The following RANBP2 variants were observed in gnomAD, a reference collection of about 807,000 sequenced individuals.
RANBP2 encodes E3 SUMO-protein ligase RanBP2.
A neutral mutation model predicts 303.6 loss-of-function variants in RANBP2; 57 were observed. The ratio of observed to expected loss-of-function variants is 0.19; its 90% CI spans 0.15 to 0.23. RANBP2 has a LOEUF of 0.23. RANBP2 is among the 10% of genes least tolerant of loss of function. The pLI, the probability that RANBP2 is intolerant of heterozygous loss-of-function variation, is 1.00. For synonymous variants in RANBP2, 1,167 were observed against 1,301.5 expected, an observed-to-expected ratio of 0.90 and a Z score of 2.23; for missense variants, 3,138 against 3,780.8, an observed-to-expected ratio of 0.83 and a Z score of 4.46.
At chr2:109,008,089 C>G in the RANBP2 span, among the ~76,000 whole-genome samples, 2 of 152,138 alleles carry the variant, frequency 1.3e-5, no homozygotes, top group Non-Finnish European at 2.9e-5. Context: ...CGGAACTGGC[C>G]CCACACTGAC....
At chr2:108,860,957 T>TTTTTTTTG in the RANBP2 span, among the ~76,000 whole-genome samples, 1 of 146,778 alleles carries the variant, frequency 6.8e-6, no homozygotes, top group Non-Finnish European at 1.5e-5. Flanking sequence ...TTTTTTTTTT[T>TTTTTTTTG]TGGTTGGTAA....
the RANBP2 span, among the ~76,000 whole-genome samples, chr2:109,607,404 T>A: frequency 6.6e-6 from 1 of 152,180 alleles, no homozygotes; most frequent in African/African-American, 2.4e-5. Context: ...TGGCTAACCA[T>A]GGATCATGCA....
the RANBP2 span, among the ~76,000 whole-genome samples, chr2:108,928,213 C>G: frequency 6.6e-6 from 1 of 152,192 alleles, no homozygotes; most frequent in Non-Finnish European, 1.5e-5. Context: ...CACTGCCCAG[C>G]TGCTCAGCCC....
chr2:109,620,682 T>C, the RANBP2 span, among the ~76,000 whole-genome samples: 1 of 151,950 alleles, frequency 6.6e-6, no homozygotes, highest in African/African-American at 2.4e-5. Flanking sequence ...AGCCTGGGCA[T>C]CACAGCGACT....
chr2:109,129,116 C>T, the RANBP2 span: 1 of 354,732 alleles, frequency 2.8e-6, no homozygotes. Flanking sequence ...GGAGCGTGCA[C>T]GCCGCGCCCC....
the RANBP2 span, among the ~76,000 whole-genome samples, chr2:109,644,180 G>T: frequency 6.6e-6 from 1 of 150,538 alleles, no homozygotes; most frequent in Non-Finnish European, 1.5e-5. Context: ...GGTGGTGCAC[G>T]CCTGTAGTCC....
chr2:108,829,892 G>A, the RANBP2 span, among the ~76,000 whole-genome samples: 1 of 152,128 alleles, frequency 6.6e-6, no homozygotes, highest in African/African-American at 2.4e-5. Flanking sequence ...TTAAAACATA[G>A]AATTACCTTA....
At chr2:109,335,107 C>T in the RANBP2 span, among the ~76,000 whole-genome samples, 3 of 152,210 alleles carry the variant, frequency 2.0e-5, no homozygotes, top group African/African-American at 4.8e-5. Flanking sequence ...GCTTCAAAAC[C>T]GAACATTTCG....
chr2:108,926,164 T>C, the RANBP2 span, among the ~76,000 whole-genome samples: 1 of 152,216 alleles, frequency 6.6e-6, no homozygotes, highest in Non-Finnish European at 1.5e-5. Flanking sequence ...TGTCTTTTTC[T>C]GCCTGGGCTT....
At chr2:109,203,994 G>T in the RANBP2 span, among the ~76,000 whole-genome samples, 1 of 152,216 alleles carries the variant, frequency 6.6e-6, no homozygotes, top group Non-Finnish European at 1.5e-5. Flanking sequence ...GGGCTTGAAG[G>T]GGCTCTGAGT....
the RANBP2 span, among the ~76,000 whole-genome samples, chr2:109,016,202 C>T: frequency 1.3e-5 from 2 of 152,162 alleles, no homozygotes; most frequent in Non-Finnish European, 2.9e-5. Flanking sequence ...CTGCCTCAGC[C>T]TCCCAAGTAA....
At chr2:108,749,333 T>C (rs890918624) in intron 9 of RANBP2, among the ~76,000 whole-genome samples, 26 of 152,194 alleles carry the variant, frequency 1.7e-4, no homozygotes, top group African/African-American at 5.1e-4. Flanking sequence ...GTTTTGCTCT[T>C]GTCGCCCATG....
At chr2:109,021,523 A>AG in the RANBP2 span, among the ~76,000 whole-genome samples, 1 of 111,794 alleles carries the variant, frequency 8.9e-6, no homozygotes, top group African/African-American at 3.6e-5. Context: ...ACTCCGTCTC[A>AG]GAAAAAAAAA....
chr2:109,552,329 C>A, the RANBP2 span, among the ~76,000 whole-genome samples: 1 of 152,162 alleles, frequency 6.6e-6, no homozygotes, highest in African/African-American at 2.4e-5. Flanking sequence ...TACTTCACAG[C>A]CTTCACAGAT....
At chr2:109,712,236 G>A in the RANBP2 span, among the ~76,000 whole-genome samples, 2 of 152,108 alleles carry the variant, frequency 1.3e-5, no homozygotes, top group African/African-American at 4.8e-5. Flanking sequence ...CTGGAATGGA[G>A]AGAACCAGGG....
the RANBP2 span, among the ~76,000 whole-genome samples, chr2:109,373,942 A>G: frequency 6.6e-6 from 1 of 151,804 alleles, no homozygotes; most frequent in African/African-American, 2.4e-5. Context: ...GACCCAGTCC[A>G]GCAGGCTCTC....
chr2:108,727,292 T>C (rs13029084), intron 1 of RANBP2, among the ~76,000 whole-genome samples: 4 of 152,146 alleles, frequency 2.6e-5, no homozygotes, highest in Admixed American at 6.5e-5. Flanking sequence ...CTAAGATCTA[T>C]GGTAAGAACA....
the RANBP2 span, among the ~76,000 whole-genome samples, chr2:109,078,270 A>ATATATATATATATATATATATAGCG: frequency 2.9e-4 from 3 of 10,422 alleles, no homozygotes; most frequent in African/African-American, 1.1e-3. Context: ...TATAGCGCGT[A>ATATATATATATATATATATATAGCG]TATATATATA....
At chr2:109,080,437 C>T in the RANBP2 span, among the ~76,000 whole-genome samples, 1 of 152,110 alleles carries the variant, frequency 6.6e-6, no homozygotes, top group Non-Finnish European at 1.5e-5. Flanking sequence ...AAGTTGATGC[C>T]TGTTCCGAGA....
Sources: allele counts gnomAD v4.1 joint callset (sites outside exome capture counted in the v4.1 genomes callset), GRCh38; gene constraint gnomAD v4.1.1; transcripts MANE v1.5; gene names NCBI Gene and HGNC (gene_info 2026-07-23, HGNC 2026-07-21).